STRN: variants seen among roughly 807,000 people sequenced by gnomAD.
STRN encodes the protein striatin.
STRN carries 53 observed loss-of-function variants against 96.3 expected under a neutral mutation model. That is an observed-to-expected ratio of 0.55 (90% CI 0.44 to 0.69). The LOEUF is 0.69. STRN is among the 30% of genes least tolerant of loss of function. STRN has a pLI of 0.00. For missense variants in STRN, 987 were observed against 963.9 expected, an observed-to-expected ratio of 1.02 and a Z score of -0.32; for synonymous variants, 428 against 355.9, an observed-to-expected ratio of 1.20 and a Z score of -2.28.
At chr2:36,920,800 G>A (rs1320355045) in intron 2 of STRN, among the ~76,000 whole-genome samples, 1 of 152,046 alleles carries the variant, frequency 6.6e-6, no homozygotes, top group East Asian at 1.9e-4. Context: ...AACTCTGCCA[G>A]GCGCGGTGGC....
At chr2:36,959,109 C>G (rs1664967242) in intron 1 of STRN, among the ~76,000 whole-genome samples, 2 of 152,016 alleles carry the variant, frequency 1.3e-5, no homozygotes, top group South Asian at 4.1e-4. Flanking sequence ...CAGCTAGACT[C>G]CATCTCAAAA....
At chr2:36,857,635 G>T (rs1668379366) in intron 14 of STRN, among the ~76,000 whole-genome samples, 1 of 151,920 alleles carries the variant, frequency 6.6e-6, no homozygotes, top group Admixed American at 6.6e-5. Flanking sequence ...ACTCCAGCCT[G>T]GGCAACAGAG....
chr2:36,957,729 A>C (rs1177745799), intron 1 of STRN, among the ~76,000 whole-genome samples: 1 of 136,372 alleles, frequency 7.3e-6, no homozygotes, highest in East Asian at 2.3e-4. Flanking sequence ...TTAGTCTCAT[A>C]GTTCTTCTTT....
chr2:36,883,734 T>C (rs1351750532), intron 9 of STRN, among the ~76,000 whole-genome samples, 198 bp downstream of exon 9: 1 of 152,210 alleles, frequency 6.6e-6, no homozygotes, highest in East Asian at 1.9e-4. Flanking sequence ...TTTAAGTGTA[T>C]GCACCTTCTC....
At chr2:36,861,731 G>GCACA (rs59999370) in intron 12 of STRN, among the ~76,000 whole-genome samples, 30 of 150,588 alleles carry the variant, frequency 2.0e-4, no homozygotes, top group African/African-American at 5.6e-4. Context: ...CATTGCGTGA[G>GCACA]CACACACACA....
chr2:36,931,030 C>CAA (rs532988993), intron 1 of STRN, among the ~76,000 whole-genome samples: 66 of 141,158 alleles, frequency 4.7e-4, no homozygotes, highest in African/African-American at 1.4e-3. Context: ...AAAATTGCCT[C>CAA]AAAAAAAAAA....
chr2:36,866,402 T>A (rs556329402), intron 12 of STRN, among the ~76,000 whole-genome samples: 1 of 152,102 alleles, frequency 6.6e-6, no homozygotes, highest in African/African-American at 2.4e-5. Context: ...GGTCTGAGAG[T>A]GTGGTTGGCA....
chr2:36,953,561 C>G (rs917497187), intron 1 of STRN, among the ~76,000 whole-genome samples: 2 of 152,170 alleles, frequency 1.3e-5, no homozygotes, highest in South Asian at 4.2e-4. Flanking sequence ...CGCCACCACA[C>G]CAGGCTAATT....
intron 12 of STRN, among the ~76,000 whole-genome samples, chr2:36,862,823 C>T (rs1327709990): frequency 6.6e-6 from 1 of 151,920 alleles, no homozygotes; most frequent in Non-Finnish European, 1.5e-5. Flanking sequence ...CAAGCTCTGC[C>T]TCCCGGGTTC....
At chr2:36,951,112 C>T (rs10490657) in intron 1 of STRN, among the ~76,000 whole-genome samples, 61,059 of 151,944 alleles carry the variant, frequency 0.4, 12,751 homozygotes, top group East Asian at 0.66. Context: ...TTGTAAAAAA[C>T]TTGAAGGCAT....
At chr2:36,909,695 A>C (rs936581942) in intron 3 of STRN, among the ~76,000 whole-genome samples, 2 of 152,310 alleles carry the variant, frequency 1.3e-5, no homozygotes, top group East Asian at 3.9e-4. Context: ...AATAAATCCC[A>C]AGCATAAGAA....
In STRN at chr2:36,841,766, T is replaced by C. The variant is rs984221471; in HGVS notation, c.*7690A>G. 22 of 152,230 alleles carry C rather than the reference T, an allele frequency of 1.4e-4. No individual in the cohort carries two copies. The highest frequency in any genetic ancestry group is 5.3e-4 in the African/African-American group (22 of 41,460). 9.4% of individuals were successfully genotyped at this position (152,230 alleles called of 1,614,324 possible). Reference sequence around the variant, plus strand: ...AACTATTTCCTCTGACACTTTGCCATGGGGCTCTAGGATACTTTTGATATA... The same window carrying C: ...AACTATTTCCTCTGACACTTTGCCACGGGGCTCTAGGATACTTTTGATATA... On this transcript the variant is annotated 3_prime_UTR_variant, in exon 18 of 18. Coordinates refer to ENST00000263918, the MANE Select transcript of STRN (RefSeq NM_003162.4).
At chr2:36,935,505 T>C (rs1390370476) in intron 1 of STRN, among the ~76,000 whole-genome samples, 1 of 152,254 alleles carries the variant, frequency 6.6e-6, no homozygotes, top group Non-Finnish European at 1.5e-5. Context: ...TGTTCTCTTT[T>C]AATTTTCAGA....
intron 1 of STRN, among the ~76,000 whole-genome samples, chr2:36,961,874 G>T (rs1368779716): frequency 6.6e-6 from 1 of 152,050 alleles, no homozygotes; most frequent in Non-Finnish European, 1.5e-5. Flanking sequence ...TTCCCTCCTT[G>T]ATATTCCTTA....
chr2:36,908,138 G>A (rs1271286672), intron 3 of STRN, among the ~76,000 whole-genome samples: 1 of 152,132 alleles, frequency 6.6e-6, no homozygotes, highest in East Asian at 1.9e-4. Flanking sequence ...TAAGTCAAGT[G>A]AATAACCTGT....
At chr2:36,959,570 C>T (rs1015698195) in intron 1 of STRN, among the ~76,000 whole-genome samples, 1 of 152,150 alleles carries the variant, frequency 6.6e-6, no homozygotes, top group African/African-American at 2.4e-5. Context: ...AAGTTCATTC[C>T]AGCTCAAAGA....
chr2:36,918,590 C>G (rs1445426623), intron 2 of STRN, among the ~76,000 whole-genome samples: 2 of 151,876 alleles, frequency 1.3e-5, no homozygotes, highest in Non-Finnish European at 2.9e-5. Flanking sequence ...ATAAATATAA[C>G]AAAAACTGTG....
chr2:36,859,337 A>G (rs2540937), intron 13 of STRN, among the ~76,000 whole-genome samples: 143,994 of 152,194 alleles, frequency 0.95, 68,638 homozygotes, highest in East Asian at 1. Context: ...GCAGTGAGAC[A>G]GCCAGAGCAG....
chr2:36,913,542 C>G (rs1246428252), intron 3 of STRN, among the ~76,000 whole-genome samples: 2 of 152,198 alleles, frequency 1.3e-5, no homozygotes, highest in Non-Finnish European at 2.9e-5. Flanking sequence ...TAGGTTTGTG[C>G]TACTGCGCTC....
Sources: gnomAD v4.1 joint callset for allele counts (sites outside exome capture counted in the v4.1 genomes callset) on GRCh38, gnomAD v4.1.1 for gene constraint, MANE v1.5 for transcripts, NCBI Gene and HGNC (gene_info 2026-07-23, HGNC 2026-07-21) for gene names.